DNAH10: variants seen among roughly 807,000 people sequenced by gnomAD.
DNAH10 encodes the protein dynein axonemal heavy chain 10, also known as axonemal beta dynein heavy chain 10.
In DNAH10, 348 loss-of-function variants were observed where a neutral mutation model predicts 506.6. The ratio of observed to expected loss-of-function variants is 0.69; its 90% confidence interval spans 0.63 to 0.75. The LOEUF is 0.75. DNAH10 is among the 30% of genes least tolerant of loss of function. DNAH10 has a pLI of 0.00. For synonymous variants in DNAH10, 2,059 were observed against 2,198.6 expected, an observed-to-expected ratio of 0.94 and a Z score of 1.78; for missense variants, 5,179 against 5,787.1, an observed-to-expected ratio of 0.89 and a Z score of 3.41.
At position 123,919,823 on chromosome 12, in the gene DNAH10, A is replaced by C. The variant is rs1353521041; in HGVS notation, c.11506+874A>C. ...CCTGCCTGTGGCTGAGTCACATTCC[A>C]TGTATGGACAGACCGCACTGTGTTT... On this transcript the variant is annotated intron_variant, in intron 65 of 78. Transcript: ENST00000673944. The surrounding 1 kb of genome is among the most constrained non-coding windows in gnomAD (Gnocchi z 4.9). Among the ~76,000 whole-genome samples the C allele has an allele frequency of 6.6e-6, 1 of 152,198 alleles. No individual in the cohort carries two copies. Among genetic ancestry groups the C allele is most frequent in the Non-Finnish European group, 1.5e-5 (1 of 68,040 alleles).
In DNAH10 at chr12:123,925,405, C is replaced by A; in HGVS notation, c.11921+201C>A. On this transcript the variant is annotated intron_variant, in intron 68 of 78. Transcript: ENST00000673944. This position sits in a 1 kb window ranked among gnomAD's most constrained non-coding sequence, Gnocchi z 4.0. The stretch of plus-strand genomic sequence containing the variant: ...CTAGTCATAAGAAATTCAGTGTGAG[C>A]CACATATGCAGTTTCGAAAGTTCTA... 3.3e-6 allele frequency: 2 copies of A among 611,598 alleles called. No homozygotes were observed. Among genetic ancestry groups the A allele is most frequent in the Non-Finnish European group, 5.1e-6 (2 of 395,748 alleles). The allele number at this position is 611,598 out of a possible 1,614,324, so 37.9% of individuals were successfully genotyped here. A position where few individuals can be genotyped will look rare whatever the true frequency, so the allele number is the denominator to read the frequency against.
At chr12:123,864,406 A>G (rs1420288352) in intron 39 of DNAH10, among the ~76,000 whole-genome samples, 189 bp from the exon 40 acceptor site, 3 of 152,018 alleles carry the variant, frequency 2.0e-5, no homozygotes, top group African/African-American at 7.2e-5. Flanking sequence ...TGGCCTCCCA[A>G]AGTGCTGGGA....
rs140811628 is a variant in DNAH10, at chr12:123,871,716, G to C, written c.7785+114G>C. On this transcript the variant is annotated intron_variant, in intron 45 of 78. Coordinates refer to ENST00000673944, the MANE Select transcript of DNAH10 (RefSeq NM_001372106.1). ...ACAGTTTCCGTGGGTCGAGAATGTGGGAGTGACTTACCTGGGAGCTTCTAG... is the reference window on the plus strand; with the variant it reads ...ACAGTTTCCGTGGGTCGAGAATGTGCGAGTGACTTACCTGGGAGCTTCTAG... 4.6e-3 allele frequency: 5,857 copies of C among 1,275,766 alleles called. 17 individuals carry two copies. The highest frequency in any genetic ancestry group is 5.6e-3 in the Non-Finnish European group (5,224 of 931,344). The allele number at this position is 1,275,766 out of a possible 1,614,324, so 79.0% of individuals were successfully genotyped here.
intron 76 of DNAH10, among the ~76,000 whole-genome samples, 197 bp downstream of exon 76, chr12:123,932,305 C>G (rs991704499): frequency 7.2e-5 from 11 of 152,194 alleles, no homozygotes; most frequent in African/African-American, 2.4e-4. Flanking sequence ...GACTTTGAAG[C>G]ATACTCTTAC....
chr12:123,897,985 G>A lies in DNAH10; in HGVS notation c.9478+18G>A. On this transcript the variant is annotated intron_variant, in intron 55 of 78. Transcript: ENST00000673944. ...TAATATAGGTAAGCCTTGGGGATGG[G>A]GTGGTTGACAAAAGTCATTATTATT... The A allele has an allele frequency of 6.5e-7, 1 of 1,536,466 alleles. No homozygotes were observed. Among genetic ancestry groups the A allele is most frequent in the South Asian group, 1.3e-5 (1 of 79,286 alleles).
rs2137683176 is a variant in DNAH10 at position 123,928,664 on chromosome 12, T to C, written c.12306+77T>C. On this transcript the variant is annotated intron_variant, in intron 70 of 78. Transcript: ENST00000673944. This position sits in a 1 kb window ranked among gnomAD's most constrained non-coding sequence, Gnocchi z 4.9. ...CCTGCATGCTGCTCTGGGGCCGGGG[T>C]GTGCCTTTGTCTGTGTAGAAATAAA... 6.8e-7 allele frequency: 1 copy of C among 1,471,668 alleles called. No homozygotes were observed. Among genetic ancestry groups the C allele is most frequent in the Non-Finnish European group, 9.1e-7 (1 of 1,094,772 alleles). 91.2% of individuals were successfully genotyped at this position (1,471,668 alleles called of 1,614,324 possible).
chr12:123,840,897 G>A (rs552672082), intron 29 of DNAH10, among the ~76,000 whole-genome samples: 1 of 152,128 alleles, frequency 6.6e-6, no homozygotes, highest in Non-Finnish European at 1.5e-5. Flanking sequence ...TTTATTCCAG[G>A]CAGAGAGAGG....
chr12:123,849,027 G>A (rs996909012), intron 34 of DNAH10, 145 bp downstream of exon 34: 1 of 1,038,564 alleles, frequency 9.6e-7, no homozygotes, highest in African/African-American at 1.6e-5. Flanking sequence ...TTCCAATTGA[G>A]ATGATTGGGT....
intron 19 of DNAH10, among the ~76,000 whole-genome samples, chr12:123,811,697 G>T (rs1307442475): frequency 6.6e-6 from 1 of 152,012 alleles, no homozygotes; most frequent in African/African-American, 2.4e-5. Context: ...TGGAGTTGGG[G>T]TTTCACCATG....
chr12:123,867,578 G>T lies in DNAH10; in HGVS notation c.7279G>T (p.Val2427Phe). ...GRQAEKLKTI[V>F]PQTDLNMVTQ... The stretch of plus-strand genomic sequence containing the variant: ...ACAAGCAGAAAAGCTGAAGACAATA[G>T]TTCCTCAGACAGACCTCAATATGGT... Residue 2427 changes from valine (V) to phenylalanine (F), a missense_variant, in exon 42 of 79, where the codon GTT (valine) becomes TTT (phenylalanine). Val to Phe is a conservative substitution (Grantham distance 50). This residue lies in a region of DNAH10 where 4,844 missense variants were observed against 5,430.5 expected (regional missense o/e 0.89). Coordinates refer to ENST00000673944, the MANE Select transcript of DNAH10 (RefSeq NM_001372106.1). The T allele has an allele frequency of 6.2e-7, 1 of 1,613,986 alleles. No homozygotes were observed. Among genetic ancestry groups the T allele is most frequent in the South Asian group, 1.1e-5 (1 of 91,076 alleles).
In DNAH10 at chr12:123,896,111, TCACACA is replaced by T. The variant is rs112187635; in HGVS notation, c.9280+1421_9280+1426del. 2.1e-3 allele frequency among the ~76,000 whole-genome samples: 101 copies of T among 48,952 alleles called. 1 individual carries two copies. Among genetic ancestry groups the T allele is most frequent in the South Asian group, 2.6e-3 (2 of 776 alleles). The allele number at this position is 48,952 out of a possible 152,430, so 32.1% of individuals were successfully genotyped here. A position where few individuals can be genotyped will look rare whatever the true frequency, so the allele number is the denominator to read the frequency against. The stretch of plus-strand genomic sequence containing the variant: ...CTGGGAGGCACAGTGAGACTTTATC[TCACACA>T]CACACACACACACACACACACACAC... On this transcript the variant is annotated intron_variant, in intron 54 of 78. Coordinates refer to ENST00000673944, the MANE Select transcript of DNAH10 (RefSeq NM_001372106.1).
intron 67 of DNAH10, among the ~76,000 whole-genome samples, chr12:123,924,781 C>A (rs1954867832): frequency 6.6e-6 from 1 of 152,202 alleles, no homozygotes; most frequent in Non-Finnish European, 1.5e-5. Flanking sequence ...CACCTACACA[C>A]CCGTCCATCC....
intron 5 of DNAH10, among the ~76,000 whole-genome samples, chr12:123,777,031 A>AG (rs1957466630): frequency 6.6e-6 from 1 of 152,208 alleles, no homozygotes; most frequent in African/African-American, 2.4e-5. Context: ...AATTTTAGAT[A>AG]GGGTGGCCAG....
rs369286928 is a variant in DNAH10 at position 123,859,145 on chromosome 12, C to A, written c.6631-5C>A. 6.2e-7 allele frequency: 1 copy of A among 1,604,858 alleles called. No homozygotes were observed. Among genetic ancestry groups the A allele is most frequent in the East Asian group, 2.2e-5 (1 of 44,592 alleles). On this transcript the variant is annotated splice_polypyrimidine_tract_variant and splice_region_variant and intron_variant, in intron 37 of 78. Coordinates refer to ENST00000673944, the MANE Select transcript of DNAH10 (RefSeq NM_001372106.1). ...TTAGCCCAGCTGCCATTGTTTGTCC[C>A]GCAGGTGGATAAAGTGGTTCAAATG... is the stretch of plus-strand genomic sequence containing the variant.
chr12:123,934,313 C>T, intron 77 of DNAH10: 2 of 686,286 alleles, frequency 2.9e-6, no homozygotes, highest in Non-Finnish European at 5.3e-6. Flanking sequence ...AGCCTGGGGG[C>T]CCAGGGTGGT....
At chr12:123,854,968 G>A (rs1159377660) in intron 36 of DNAH10, among the ~76,000 whole-genome samples, 1 of 152,328 alleles carries the variant, frequency 6.6e-6, no homozygotes, top group Middle Eastern at 3.4e-3. Flanking sequence ...GGAATAAAAG[G>A]TAAAGAATTC....
At position 123,783,135 on chromosome 12, in the gene DNAH10, C is replaced by T. The variant is rs543323464; in HGVS notation, c.870C>T (p.Ile290=). ...EGEIKLEMPI[I]SVEGEVSDLA... ...AGATCAAGTTAGAAATGCCAATCATCAGTGTGGAGGGAGAGGTGTCTGACC... is the reference window on the plus strand; with the variant it reads ...AGATCAAGTTAGAAATGCCAATCATTAGTGTGGAGGGAGAGGTGTCTGACC... Residue 290 remains isoleucine, a synonymous_variant, in exon 7 of 79, where the codon ATC becomes ATT. Transcript: ENST00000673944. The T allele has an allele frequency of 6.2e-6, 10 of 1,614,120 alleles. No individual in the cohort carries two copies. The highest frequency in any genetic ancestry group is 1.6e-4 in the Middle Eastern group (1 of 6,062).
At chr12:123,799,865 C>T (rs1349792125) in intron 14 of DNAH10, among the ~76,000 whole-genome samples, 1 of 152,068 alleles carries the variant, frequency 6.6e-6, no homozygotes, top group South Asian at 2.1e-4. Context: ...GAAATCCTGA[C>T]GTAGGGACCA....
In DNAH10 at chr12:123,812,581, G is replaced by A. The variant is rs575846882; in HGVS notation, c.3145-583G>A. 3.0e-4 allele frequency among the ~76,000 whole-genome samples: 46 copies of A among 152,298 alleles called. 1 individual carries two copies. In the South Asian group the frequency reaches 9.1e-3, roughly 30 times the overall value. On this transcript the variant is annotated intron_variant, in intron 19 of 78. Coordinates refer to ENST00000673944, the MANE Select transcript of DNAH10 (RefSeq NM_001372106.1). ...TGCCTGAATGTGTGTTTTTTCCTCT[G>A]TAAATATGGAAATAAAAGTTTTTTT...
Sources: gnomAD v4.1 joint callset for allele counts (sites outside exome capture counted in the v4.1 genomes callset) on GRCh38, gnomAD v4.1.1 for gene constraint, gnomAD v4.1.1 regional missense constraint, Gnocchi (gnomAD v3.1) non-coding constraint, MANE v1.5 for transcripts, NCBI Gene and HGNC (gene_info 2026-07-23, HGNC 2026-07-21) for gene names.